The following SLC35F3 variants were observed in gnomAD, a reference collection of about 807,000 sequenced individuals.
SLC35F3 encodes solute carrier family 35 member F3.
SLC35F3 carries 25 observed loss-of-function variants against 49.9 expected under a neutral mutation model. That is an observed-to-expected ratio of 0.50 (90% CI 0.37 to 0.70). The LOEUF is 0.70. Ranked by LOEUF, SLC35F3 falls within the 30% of genes least tolerant of loss-of-function variation. The pLI, the probability that SLC35F3 is intolerant of heterozygous loss-of-function variation, is 0.00. For synonymous variants in SLC35F3, 275 were observed against 265.4 expected, an observed-to-expected ratio of 1.04 and a Z score of -0.35; for missense variants, 525 against 639.8, an observed-to-expected ratio of 0.82 and a Z score of 1.94.
chr1:233,989,913 T>C lies in SLC35F3; in HGVS notation c.283+84155T>C, dbSNP rs554868576. ...GAAAAAAATGATTATCGTTATTTAA[T>C]AAGAAACTCAGATATACATATTGCA... On this transcript the variant is annotated intron_variant, in intron 2 of 7. Transcript: ENST00000366618. Among the ~76,000 whole-genome samples the C allele has an allele frequency of 7.6e-4, 116 of 152,302 alleles. 1 individual carries two copies. Among genetic ancestry groups the C allele is most frequent in the African/African-American group, 2.7e-3 (111 of 41,590 alleles).
At chr1:234,111,502 AGGCT>A (rs1665405050) in intron 2 of SLC35F3, among the ~76,000 whole-genome samples, 2 of 152,338 alleles carry the variant, frequency 1.3e-5, no homozygotes, top group East Asian at 3.9e-4. Flanking sequence ...CATGCTGGCC[AGGCT>A]GGTCTCGAAC....
At chr1:234,190,722 G>A (rs749127738) in intron 2 of SLC35F3, among the ~76,000 whole-genome samples, 1 of 152,116 alleles carries the variant, frequency 6.6e-6, no homozygotes, top group Non-Finnish European at 1.5e-5. Flanking sequence ...TTGACTTAAC[G>A]GATATTTTAC....
chr1:234,312,644 G>T (rs1316693815), intron 4 of SLC35F3, among the ~76,000 whole-genome samples: 1 of 152,134 alleles, frequency 6.6e-6, no homozygotes, highest in Non-Finnish European at 1.5e-5. Context: ...GGATCCCCCA[G>T]TTCCCTCCAA....
At position 234,270,690 on chromosome 1, in the gene SLC35F3, T is replaced by C. The variant is rs1238051779; in HGVS notation, c.609-38411T>C. 3.3e-5 allele frequency among the ~76,000 whole-genome samples: 5 copies of C among 152,220 alleles called. No homozygotes were observed. The East Asian group carries it at 7.7e-4, about 23-fold the overall frequency. On this transcript the variant is annotated intron_variant, in intron 3 of 7. Transcript: ENST00000366618. ...CCTGCTAACTGTGATGGATGGACATTCTAAGCTGAGATGAGAGCAAAGGCT... is the reference window on the plus strand; with the variant it reads ...CCTGCTAACTGTGATGGATGGACATCCTAAGCTGAGATGAGAGCAAAGGCT...
At chr1:234,188,463 A>C (rs1339944957) in intron 2 of SLC35F3, among the ~76,000 whole-genome samples, 2 of 152,052 alleles carry the variant, frequency 1.3e-5, no homozygotes, top group Admixed American at 6.6e-5. Context: ...ATGACACAGC[A>C]CAGGCAGCCA....
chr1:233,924,213 G>A (rs1278771074), intron 2 of SLC35F3, among the ~76,000 whole-genome samples: 1 of 152,220 alleles, frequency 6.6e-6, no homozygotes, highest in East Asian at 1.9e-4. Flanking sequence ...AGTTTTAGAA[G>A]GAATGGTAAC....
intron 2 of SLC35F3, among the ~76,000 whole-genome samples, chr1:233,939,361 G>A (rs1662385578): frequency 6.6e-6 from 1 of 152,152 alleles, no homozygotes; most frequent in African/African-American, 2.4e-5. Context: ...AGCCTGAGGT[G>A]AGAGGATCAC....
intron 2 of SLC35F3, among the ~76,000 whole-genome samples, chr1:234,053,679 T>C (rs536952411): frequency 6.6e-6 from 1 of 152,336 alleles, no homozygotes; most frequent in South Asian, 2.1e-4. Context: ...TTTGATCCTG[T>C]CATTATGATG....
At chr1:234,189,218 T>A (rs757244373) in intron 2 of SLC35F3, among the ~76,000 whole-genome samples, 2 of 150,792 alleles carry the variant, frequency 1.3e-5, no homozygotes, top group African/African-American at 2.4e-5. Flanking sequence ...AACCAAGAAA[T>A]GCTTGAATTG....
chr1:234,175,821 C>T (rs1023144957), intron 2 of SLC35F3, among the ~76,000 whole-genome samples: 2 of 152,172 alleles, frequency 1.3e-5, no homozygotes, highest in Non-Finnish European at 2.9e-5. Context: ...AGCCAAGAGC[C>T]GTCAGTGGGT....
chr1:234,114,731 AT>A (rs1665458615), intron 2 of SLC35F3, among the ~76,000 whole-genome samples: 1 of 152,216 alleles, frequency 6.6e-6, no homozygotes, highest in Non-Finnish European at 1.5e-5. Context: ...TTTCTTGGAC[AT>A]TTGGGGAAGA....
At chr1:234,068,997 AAAATTATATAATTTTACTATATATAAT>A (rs1664667660) in intron 2 of SLC35F3, among the ~76,000 whole-genome samples, 1 of 122,018 alleles carries the variant, frequency 8.2e-6, no homozygotes, top group Non-Finnish European at 1.6e-5. Flanking sequence ...TATAATATAT[AAAATTATATAATTTTACTATATATAAT>A]ATATAAAATT....
chr1:234,200,409 C>T (rs1298166566), intron 2 of SLC35F3, among the ~76,000 whole-genome samples: 2 of 151,972 alleles, frequency 1.3e-5, no homozygotes, highest in African/African-American at 2.4e-5. Context: ...ATATTTTCTC[C>T]TATTCTATGG....
chr1:234,249,698 G>A (rs532354), intron 3 of SLC35F3, among the ~76,000 whole-genome samples: 123,097 of 152,222 alleles, frequency 0.81, 50,268 homozygotes, highest in African/African-American at 0.92. Context: ...GTAAAAGCCA[G>A]TTTGAATTCA....
At chr1:234,147,051 A>G (rs902349545) in intron 2 of SLC35F3, among the ~76,000 whole-genome samples, 2 of 152,100 alleles carry the variant, frequency 1.3e-5, no homozygotes, top group Admixed American at 1.3e-4. Flanking sequence ...GTGACTCCTG[A>G]TATCATTTCA....
intron 2 of SLC35F3, among the ~76,000 whole-genome samples, chr1:234,230,968 A>G (rs774796242): frequency 1.0e-3 from 152 of 152,326 alleles, no homozygotes; most frequent in Admixed American, 4.2e-3. Context: ...TCCAGCCCCC[A>G]GTACTGCCCC....
intron 2 of SLC35F3, among the ~76,000 whole-genome samples, chr1:233,951,906 A>G (rs1662613789): frequency 6.6e-6 from 1 of 152,052 alleles, no homozygotes. Flanking sequence ...ATATTTTAAA[A>G]TATTTACTTT....
At chr1:234,191,883 C>A (rs1180691801) in intron 2 of SLC35F3, among the ~76,000 whole-genome samples, 1 of 151,964 alleles carries the variant, frequency 6.6e-6, no homozygotes, top group African/African-American at 2.4e-5. Flanking sequence ...TGGAAATATA[C>A]AACCCTCCTA....
At chr1:233,935,335 A>C (rs1662306895) in intron 2 of SLC35F3, among the ~76,000 whole-genome samples, 1 of 151,590 alleles carries the variant, frequency 6.6e-6, no homozygotes, top group Admixed American at 6.6e-5. Context: ...TCAGGCCATT[A>C]GTGGAAGGTT....
Sources: gnomAD v4.1 joint callset for allele counts (sites outside exome capture counted in the v4.1 genomes callset) on GRCh38, gnomAD v4.1.1 for gene constraint, MANE v1.5 for transcripts, NCBI Gene and HGNC (gene_info 2026-07-23, HGNC 2026-07-21) for gene names.